SLC13A3: variants seen among roughly 807,000 people sequenced by gnomAD.
SLC13A3 encodes Na(+)/dicarboxylate cotransporter 3.
In SLC13A3, 40 loss-of-function variants were observed where a neutral mutation model predicts 59.0. That is an observed-to-expected ratio of 0.68 (90% CI 0.53 to 0.88). The LOEUF (loss-of-function observed/expected upper bound fraction) is 0.88, where lower values mean the gene tolerates loss of function less well. Ranked by LOEUF, SLC13A3 falls within the 40% of genes least tolerant of loss-of-function variation. The pLI, the probability that SLC13A3 is intolerant of heterozygous loss-of-function variation, is 0.00. For synonymous variants in SLC13A3, 317 were observed against 330.3 expected, an observed-to-expected ratio of 0.96 and a Z score of 0.44; for missense variants, 699 against 783.2, an observed-to-expected ratio of 0.89 and a Z score of 1.28.
At chr20:46,622,613 GGTGTGTGCGT>G (rs755836653) in intron 1 of SLC13A3, among the ~76,000 whole-genome samples, 1,274 of 112,142 alleles carry the variant, frequency 0.011, 8 homozygotes, top group Non-Finnish European at 0.016. Context: ...ATTGGTGTGT[GGTGTGTGCGT>G]GTGTGTGTGT....
chr20:46,674,602 C>CGTGT (rs142752461), upstream of SLC13A3, among the ~76,000 whole-genome samples: 6,866 of 114,110 alleles, frequency 0.06, 192 homozygotes, highest in South Asian at 0.13. Context: ...CGCGCGCGCG[C>CGTGT]GCGTGTGTGT....
intron 3 of SLC13A3, among the ~76,000 whole-genome samples, chr20:46,604,817 G>A (rs576342451): frequency 4.7e-4 from 71 of 152,316 alleles, no homozygotes; most frequent in African/African-American, 1.6e-3. Context: ...AGTAGGAAGC[G>A]AGGGACTATT....
chr20:46,583,501 G>C (rs1345813476), intron 9 of SLC13A3, 71 bp downstream of exon 9: 1 of 1,581,068 alleles, frequency 6.3e-7, no homozygotes, highest in Non-Finnish European at 8.6e-7. Context: ...GGGGCTCCAG[G>C]CCCTTGATGA....
In SLC13A3 at chr20:46,611,573, G is replaced by C. The variant is rs186473689; in HGVS notation, c.378-964C>G. Among the ~76,000 whole-genome samples, 416 of 152,300 alleles carry C rather than the reference G, an allele frequency of 2.7e-3. 2 individuals are homozygous for C. Among genetic ancestry groups the C allele is most frequent in the Non-Finnish European group, 4.6e-3 (312 of 68,024 alleles). ...CAGAGATAATGCTAGAAACCTAGGA[G>C]TCATCCAGAACCTTCTTTTCCTACG... is the stretch of plus-strand genomic sequence containing the variant. On this transcript the variant is annotated intron_variant, in intron 2 of 12. Coordinates refer to ENST00000279027, the MANE Select transcript of SLC13A3 (RefSeq NM_022829.6).
At chr20:46,578,959 T>C (rs2062107437) in intron 9 of SLC13A3, among the ~76,000 whole-genome samples, 1 of 152,106 alleles carries the variant, frequency 6.6e-6, no homozygotes, top group Non-Finnish European at 1.5e-5. Flanking sequence ...CACAAGCACA[T>C]AGTAGGTACT....
Position 46,560,118 on chromosome 20 carries a change from G to A in SLC13A3, c.1713C>T (p.Phe571=), listed in dbSNP as rs267605964. The change falls in exon 13 of 13, where the codon TTC becomes TTT. Residue 571 remains phenylalanine, a synonymous_variant. Coordinates refer to ENST00000279027, the MANE Select transcript of SLC13A3 (RefSeq NM_022829.6). Reference sequence around the variant, plus strand: ...CCCAGTCCGGGAAGGTGCCCAGCTGGAAGATGGTCTGTGCCCAGGTATTCA... The same window carrying A: ...CCCAGTCCGGGAAGGTGCCCAGCTGAAAGATGGTCTGTGCCCAGGTATTCA... ...LAMNTWAQTI[F]QLGTFPDWAD... 6 of 1,614,190 alleles carry A rather than the reference G, an allele frequency of 3.7e-6. No homozygotes were observed. The highest frequency in any genetic ancestry group is 5.1e-6 in the Non-Finnish European group (6 of 1,180,028).
intron 1 of SLC13A3, among the ~76,000 whole-genome samples, chr20:46,659,942 T>C (rs78857465): frequency 0.013 from 1,988 of 152,290 alleles, 58 homozygotes; most frequent in African/African-American, 0.044. Flanking sequence ...GTAGAACTGA[T>C]GGTAGCATGA....
chr20:46,617,611 T>TGC (rs1555880360), intron 1 of SLC13A3, among the ~76,000 whole-genome samples: 2 of 116,248 alleles, frequency 1.7e-5, no homozygotes, highest in East Asian at 4.4e-4. Flanking sequence ...TGTGTGTGCG[T>TGC]GTGTGTGTGT....
intron 3 of SLC13A3, 32 bp downstream of exon 3, chr20:46,610,414 G>C (rs768256831): frequency 6.3e-7 from 1 of 1,582,782 alleles, no homozygotes; most frequent in South Asian, 1.2e-5. Context: ...AATCCTGGTG[G>C]ATTTGGCCCC....
chr20:46,607,240 G>T (rs1413076942), intron 3 of SLC13A3, among the ~76,000 whole-genome samples: 1 of 152,168 alleles, frequency 6.6e-6, no homozygotes, highest in South Asian at 2.1e-4. Flanking sequence ...TCTGCATGTG[G>T]TGGTTACTCA....
At chr20:46,625,219 G>T (rs2062655870) in intron 1 of SLC13A3, among the ~76,000 whole-genome samples, 1 of 152,304 alleles carries the variant, frequency 6.6e-6, no homozygotes, top group African/African-American at 2.4e-5. Flanking sequence ...CTTCCAGCCT[G>T]TAGAGCCCTC....
chr20:46,656,322 A>G (rs2062991170), upstream of SLC13A3, among the ~76,000 whole-genome samples: 1 of 124,920 alleles, frequency 8.0e-6, no homozygotes, highest in Non-Finnish European at 1.7e-5. Context: ...ATTATACTGT[A>G]TATGATATAC....
upstream of SLC13A3, among the ~76,000 whole-genome samples, chr20:46,674,799 A>G (rs2099034916): frequency 6.6e-6 from 1 of 152,184 alleles, no homozygotes; most frequent in East Asian, 1.9e-4. Flanking sequence ...GGGCTAGAGC[A>G]GTGAACCAAA....
intron 9 of SLC13A3, among the ~76,000 whole-genome samples, chr20:46,578,451 G>A (rs1050118495): frequency 2.6e-4 from 39 of 151,848 alleles, no homozygotes; most frequent in Middle Eastern, 3.4e-3. Context: ...CAAGGTGGGC[G>A]GGTCACCTGA....
intron 1 of SLC13A3, among the ~76,000 whole-genome samples, chr20:46,677,225 T>C (rs1027022532): frequency 2.6e-5 from 4 of 152,196 alleles, no homozygotes; most frequent in South Asian, 2.1e-4. Flanking sequence ...CAGCTTTTTA[T>C]TGAAGTACAA....
chr20:46,605,108 T>C (rs1024966600), intron 3 of SLC13A3, among the ~76,000 whole-genome samples: 4 of 152,230 alleles, frequency 2.6e-5, no homozygotes, highest in African/African-American at 7.2e-5. Flanking sequence ...GTATGTGCTA[T>C]AAATAAGGCA....
At chr20:46,577,605 G>C (rs533985015) in intron 9 of SLC13A3, among the ~76,000 whole-genome samples, 5 of 152,358 alleles carry the variant, frequency 3.3e-5, no homozygotes, top group African/African-American at 4.8e-5. Flanking sequence ...GTATCAGACT[G>C]TCTGTCACAT....
chr20:46,575,512 G>T, intron 10 of SLC13A3, 61 bp downstream of exon 10: 1 of 1,004,192 alleles, frequency 1.0e-6, no homozygotes, highest in South Asian at 1.7e-5. Flanking sequence ...AGCCAGCACT[G>T]GGACCCGCCC....
At chr20:46,648,762 G>A (rs542533805) in intron 1 of SLC13A3, among the ~76,000 whole-genome samples, 10 of 151,942 alleles carry the variant, frequency 6.6e-5, no homozygotes, top group African/African-American at 1.2e-4. Flanking sequence ...AAAATTAGCC[G>A]GGTGTGGTGA....
Sources: gnomAD v4.1 joint callset for allele counts (sites outside exome capture counted in the v4.1 genomes callset) on GRCh38, gnomAD v4.1.1 for gene constraint, MANE v1.5 for transcripts, NCBI Gene and HGNC (gene_info 2026-07-23, HGNC 2026-07-21) for gene names.